The following UGGT2 variants were observed in gnomAD, a reference collection of about 807,000 sequenced individuals.
UGGT2 encodes UDP-glucose glycoprotein glucosyltransferase 2.
In UGGT2, 180 loss-of-function variants were observed where a neutral mutation model predicts 192.1. That is an observed-to-expected ratio of 0.94 (90% CI 0.83 to 1.06). The LOEUF (loss-of-function observed/expected upper bound fraction) is 1.06. Among genes scored for constraint, UGGT2 ranks in the 50% least tolerant of loss-of-function variants. UGGT2 has a pLI of 0.00. For synonymous variants in UGGT2, 580 were observed against 591.0 expected, an observed-to-expected ratio of 0.98 and a Z score of 0.27; for missense variants, 1,849 against 1,795.7, an observed-to-expected ratio of 1.03 and a Z score of -0.54.
At chr13:95,985,895 T>G (rs2051274948) in intron 9 of UGGT2, among the ~76,000 whole-genome samples, 1 of 152,248 alleles carries the variant, frequency 6.6e-6, no homozygotes, top group South Asian at 2.1e-4. Flanking sequence ...ATTCATCCAA[T>G]TAAGACATTA....
At chr13:95,945,323 T>A (rs2049827567) in intron 15 of UGGT2, among the ~76,000 whole-genome samples, 1 of 152,090 alleles carries the variant, frequency 6.6e-6, no homozygotes, top group Non-Finnish European at 1.5e-5. Flanking sequence ...ATTTTATAAT[T>A]CATGTATTTT....
At chr13:95,832,138 C>A (rs1480807808) in intron 38 of UGGT2, among the ~76,000 whole-genome samples, 2 of 150,672 alleles carry the variant, frequency 1.3e-5, no homozygotes, top group African/African-American at 4.9e-5. Flanking sequence ...AACAGTAAAG[C>A]TGAGGAAAAT....
At chr13:95,914,464 G>T (rs1279683367) in intron 20 of UGGT2, among the ~76,000 whole-genome samples, 1 of 151,722 alleles carries the variant, frequency 6.6e-6, no homozygotes, top group African/African-American at 2.4e-5. Context: ...TATATAGAAA[G>T]GATAATTAAT....
intron 24 of UGGT2, among the ~76,000 whole-genome samples, 187 bp downstream of exon 24, chr13:95,894,375 T>C (rs1284842340): frequency 2.0e-5 from 3 of 152,188 alleles, no homozygotes; most frequent in Non-Finnish European, 4.4e-5. Flanking sequence ...TCTCTCCATA[T>C]ATATTACCCT....
chr13:95,802,310 C>T (rs900134150), intron 38 of UGGT2, among the ~76,000 whole-genome samples: 1 of 152,160 alleles, frequency 6.6e-6, no homozygotes, highest in African/African-American at 2.4e-5. Flanking sequence ...TCTCAGAGAA[C>T]AAAATGGTCT....
At chr13:96,005,660 G>C (rs1295525570) in intron 5 of UGGT2, among the ~76,000 whole-genome samples, 1 of 152,218 alleles carries the variant, frequency 6.6e-6, no homozygotes, top group Non-Finnish European at 1.5e-5. Context: ...CATTCTGAGA[G>C]AGGATCAGAA....
At chr13:96,034,761 G>A (rs1365667639) in intron 1 of UGGT2, among the ~76,000 whole-genome samples, 1 of 152,226 alleles carries the variant, frequency 6.6e-6, no homozygotes, top group Admixed American at 6.5e-5. Context: ...GCTGGTGCCT[G>A]TGCCAGTACC....
At chr13:95,843,015 A>G (rs142280893) in intron 36 of UGGT2, among the ~76,000 whole-genome samples, 31 of 152,352 alleles carry the variant, frequency 2.0e-4, no homozygotes, top group African/African-American at 7.2e-4. Context: ...ATGCAGCAAC[A>G]GGTAACAAAT....
chr13:95,942,235 T>G (rs995935360), intron 15 of UGGT2, among the ~76,000 whole-genome samples: 1 of 127,828 alleles, frequency 7.8e-6, no homozygotes, highest in Non-Finnish European at 1.6e-5. Flanking sequence ...TGTGTGTGTG[T>G]GTGTGTGTGT....
intron 7 of UGGT2, among the ~76,000 whole-genome samples, chr13:95,992,202 A>C (rs772839738): frequency 3.9e-5 from 6 of 152,176 alleles, no homozygotes; most frequent in Non-Finnish European, 7.3e-5. Context: ...AGCCATATGA[A>C]TTTTAGAATA....
intron 1 of UGGT2, among the ~76,000 whole-genome samples, chr13:96,046,345 C>G (rs980820312): frequency 9.2e-5 from 14 of 152,152 alleles, no homozygotes; most frequent in African/African-American, 3.4e-4. Context: ...CAAGATGGAT[C>G]AAGGACTTAA....
intron 38 of UGGT2, among the ~76,000 whole-genome samples, chr13:95,826,368 A>C (rs1421196463): frequency 6.6e-6 from 1 of 152,058 alleles, no homozygotes; most frequent in African/African-American, 2.4e-5. Context: ...AAGTAAAATA[A>C]ACAAACAAAC....
In UGGT2 at chr13:95,970,220, G is replaced by T. The variant is rs147470783; in HGVS notation, c.1227C>A (p.Gly409=). The T allele has an allele frequency of 1.7e-5, 28 of 1,612,762 alleles. No individual in the cohort carries two copies. Among genetic ancestry groups the T allele is most frequent in the Non-Finnish European group, 2.2e-5 (26 of 1,179,240 alleles). Residue 409 remains glycine, a synonymous_variant, in exon 12 of 39, where the codon GGC becomes GGA. Transcript: ENST00000376747. ...MLKLEGKMMN[G]LRNLGINGED... The stretch of plus-strand genomic sequence containing the variant: ...CCCCATTGATCCCAAGATTGCGAAG[G>T]CCATTCATCATTTTTCCTTCTAATT...
chr13:96,023,618 T>C lies in UGGT2; in HGVS notation c.372+11A>G. The C allele has an allele frequency of 6.2e-7, 1 of 1,601,740 alleles. No individual in the cohort carries two copies. On this transcript the variant is annotated intron_variant, in intron 3 of 38. Transcript: ENST00000376747. Reference sequence around the variant, plus strand: ...CTCTTTGTCAAATACAGATTGGGTATTTTTACGCACCTGCTGAAACATCTG... The same window carrying C: ...CTCTTTGTCAAATACAGATTGGGTACTTTTACGCACCTGCTGAAACATCTG...
chr13:96,022,243 A>C (rs2052536041), intron 4 of UGGT2, among the ~76,000 whole-genome samples: 1 of 152,082 alleles, frequency 6.6e-6, no homozygotes. Flanking sequence ...TAAATTACAG[A>C]TAGATTAAAA....
chr13:95,808,521 T>G lies in UGGT2; in HGVS notation c.4529-6709A>C, dbSNP rs1458064361. 2.6e-5 allele frequency among the ~76,000 whole-genome samples: 4 copies of G among 152,262 alleles called. No homozygotes were observed. In the East Asian group the frequency reaches 7.7e-4, roughly 29 times the overall value. On this transcript the variant is annotated intron_variant, in intron 38 of 38. Coordinates refer to ENST00000376747, the MANE Select transcript of UGGT2 (RefSeq NM_020121.4). ...TTTTTTTCTTTCATAATTGAGATTT[T>G]ATTGGTTGGGTCGAGGATCAGCACA...
Position 95,854,300 on chromosome 13 carries a change from T to C in UGGT2, c.4169+15A>G, listed in dbSNP as rs1188662025. ...TTACTTATTTACTAAATGGTAAGGG[T>C]CTGACTTTTCTTACCTGATATGGTA... is the stretch of plus-strand genomic sequence containing the variant. On this transcript the variant is annotated intron_variant, in intron 35 of 38. Coordinates refer to ENST00000376747, the MANE Select transcript of UGGT2 (RefSeq NM_020121.4). The C allele has an allele frequency of 1.2e-6, 2 of 1,604,958 alleles. No homozygotes were observed. The highest frequency in any genetic ancestry group is 1.7e-6 in the Non-Finnish European group (2 of 1,176,722).
Position 95,921,880 on chromosome 13 carries a change from G to T in UGGT2, c.2295+3800C>A, listed in dbSNP as rs146702095. Among the ~76,000 whole-genome samples, 504 of 152,288 alleles carry T rather than the reference G, an allele frequency of 3.3e-3. 12 individuals are homozygous for T. The highest frequency in any genetic ancestry group is 1.1e-3 in the Non-Finnish European group (73 of 68,024). On this transcript the variant is annotated intron_variant, in intron 20 of 38. Transcript: ENST00000376747. ...AAAAGCAGTTTGGACATTTCTCAGA[G>T]AACTAAAAACAGAACTACCATTTGA...
At chr13:95,996,906 C>T (rs1194265262) in intron 6 of UGGT2, among the ~76,000 whole-genome samples, 1 of 152,188 alleles carries the variant, frequency 6.6e-6, no homozygotes, top group Non-Finnish European at 1.5e-5. Flanking sequence ...CATTTCCCTT[C>T]TCCCTTACAT....
Sources: gnomAD v4.1 joint callset for allele counts (sites outside exome capture counted in the v4.1 genomes callset) on GRCh38, gnomAD v4.1.1 for gene constraint, MANE v1.5 for transcripts, NCBI Gene and HGNC (gene_info 2026-07-23, HGNC 2026-07-21) for gene names.